The following KCNH7 variants were observed in gnomAD, a reference collection of about 807,000 sequenced individuals.
KCNH7 encodes the protein voltage-gated inwardly rectifying potassium channel KCNH7.
Under a neutral mutation model 120.8 loss-of-function variants are expected in KCNH7, and 49 were observed. That is an observed-to-expected ratio of 0.41 (90% confidence interval 0.32 to 0.51). The LOEUF (loss-of-function observed/expected upper bound fraction) is 0.51. Among genes scored for constraint, KCNH7 ranks in the 20% least tolerant of loss-of-function variants. The probability of loss-of-function intolerance (pLI) is 0.38; values close to 1 mark genes in which losing one functional copy is unlikely to be tolerated. For synonymous variants in KCNH7, 547 were observed against 516.1 expected, an observed-to-expected ratio of 1.06 and a Z score of -0.81; for missense variants, 1,097 against 1,446.6, an observed-to-expected ratio of 0.76 and a Z score of 3.92.
chr2:162,659,315 A>G (rs910864654), intron 2 of KCNH7, among the ~76,000 whole-genome samples: 1 of 150,634 alleles, frequency 6.6e-6, no homozygotes, highest in Non-Finnish European at 1.5e-5. Flanking sequence ...ATACTGGAAT[A>G]TAGTCTACTT....
intron 13 of KCNH7, 115 bp downstream of exon 13, chr2:162,384,573 A>G: frequency 1.9e-6 from 2 of 1,042,388 alleles, no homozygotes; most frequent in Non-Finnish European, 1.4e-6. Flanking sequence ...CGAACATTTC[A>G]TGAAGTTGAG....
intron 2 of KCNH7, among the ~76,000 whole-genome samples, chr2:162,671,683 T>A: frequency 6.6e-6 from 1 of 151,814 alleles, no homozygotes; most frequent in African/African-American, 2.4e-5. Context: ...CTATGTAACA[T>A]AACTGCATGA....
At chr2:162,573,801 T>C (rs537216162) in intron 2 of KCNH7, among the ~76,000 whole-genome samples, 2 of 152,138 alleles carry the variant, frequency 1.3e-5, no homozygotes, top group East Asian at 3.9e-4. Context: ...TTATTATACA[T>C]TCAACTGGCA....
chr2:162,455,015 C>T (rs904277605), intron 6 of KCNH7, among the ~76,000 whole-genome samples: 3 of 152,046 alleles, frequency 2.0e-5, no homozygotes, highest in Non-Finnish European at 4.4e-5. Flanking sequence ...TGTCTTGTGT[C>T]AGTTTCCAAA....
chr2:162,809,481 C>A (rs1210878007), intron 2 of KCNH7, among the ~76,000 whole-genome samples: 1 of 152,098 alleles, frequency 6.6e-6, no homozygotes, highest in East Asian at 1.9e-4. Flanking sequence ...TGATATGTAA[C>A]CTAACCTCAC....
chr2:162,638,707 C>A (rs1448158582), intron 2 of KCNH7, among the ~76,000 whole-genome samples: 1 of 152,078 alleles, frequency 6.6e-6, no homozygotes, highest in African/African-American at 2.4e-5. Flanking sequence ...CAAACATTTA[C>A]TCTCTGGCTG....
chr2:162,405,696 T>A (rs148532949), intron 9 of KCNH7, among the ~76,000 whole-genome samples: 2,554 of 152,108 alleles, frequency 0.017, 199 homozygotes, highest in Admixed American at 0.15. Flanking sequence ...ACTTCTGATT[T>A]GATGTATGTG....
chr2:162,615,325 G>C (rs1683107548), intron 2 of KCNH7, among the ~76,000 whole-genome samples: 1 of 152,122 alleles, frequency 6.6e-6, no homozygotes, highest in South Asian at 2.1e-4. Context: ...TGCTTATTTA[G>C]CACTTCAAAC....
rs1445320060 is a variant in KCNH7 at position 162,396,103 on chromosome 2, A to G, written c.2613+637T>C. Among the ~76,000 whole-genome samples the G allele has an allele frequency of 2.0e-5, 3 of 151,858 alleles. No individual in the cohort carries two copies. The East Asian group carries it at 5.8e-4, about 30-fold the overall frequency. On this transcript the variant is annotated intron_variant, in intron 11 of 15. Transcript: ENST00000332142. ...TAATAGCTCATAAGGGCACATTTTC[A>G]CAGTAGAAAAGAGTAAGGAACATAA...
chr2:162,673,324 C>T (rs184396689), intron 2 of KCNH7, among the ~76,000 whole-genome samples: 82 of 152,078 alleles, frequency 5.4e-4, no homozygotes, highest in African/African-American at 2.0e-3. Context: ...TCATATCTAG[C>T]AATGTATGAA....
chr2:162,431,918 G>C (rs897631594), intron 8 of KCNH7, among the ~76,000 whole-genome samples: 3 of 151,872 alleles, frequency 2.0e-5, no homozygotes, highest in Non-Finnish European at 4.4e-5. Context: ...GTAAAGAACT[G>C]AGCTATCTTC....
chr2:162,535,019 C>T (rs777143717), intron 3 of KCNH7, among the ~76,000 whole-genome samples: 34 of 151,576 alleles, frequency 2.2e-4, no homozygotes, highest in Middle Eastern at 6.8e-3. Context: ...TCCACAGAGG[C>T]TAAAAAAGGC....
intron 2 of KCNH7, among the ~76,000 whole-genome samples, chr2:162,574,576 TG>T (rs1323360727): frequency 6.6e-6 from 1 of 152,100 alleles, no homozygotes; most frequent in Admixed American, 6.6e-5. Context: ...CAAGAGTTTT[TG>T]GGTTTTCATG....
chr2:162,621,555 C>T lies in KCNH7; in HGVS notation c.308-84475G>A, dbSNP rs997091839. 2.6e-5 allele frequency among the ~76,000 whole-genome samples: 4 copies of T among 152,058 alleles called. No individual in the cohort carries two copies. The East Asian group carries it at 7.7e-4, about 29-fold the overall frequency. On this transcript the variant is annotated intron_variant, in intron 2 of 15. Transcript: ENST00000332142. Reference sequence around the variant, plus strand: ...TTTCTTGACAATTGATTATGTACCACTTGCTGAGTGGGTGAATAAAACCAC... The same window carrying T: ...TTTCTTGACAATTGATTATGTACCATTTGCTGAGTGGGTGAATAAAACCAC...
intron 2 of KCNH7, among the ~76,000 whole-genome samples, chr2:162,753,017 A>G (rs570576168): frequency 4.8e-5 from 7 of 146,088 alleles, no homozygotes; most frequent in Admixed American, 2.1e-4. Context: ...AGAAAAGAAA[A>G]GAAAAGAAAA....
chr2:162,724,796 T>A (rs1202581540), intron 2 of KCNH7, among the ~76,000 whole-genome samples: 1 of 152,182 alleles, frequency 6.6e-6, no homozygotes, highest in Non-Finnish European at 1.5e-5. Context: ...TGACTACGGA[T>A]AACTGAAACC....
At chr2:162,586,381 GAAA>G (rs1694021794) in intron 2 of KCNH7, among the ~76,000 whole-genome samples, 1 of 152,028 alleles carries the variant, frequency 6.6e-6, no homozygotes, top group South Asian at 2.1e-4. Context: ...CACGTGGGGA[GAAA>G]GGCCCAGGCT....
chr2:162,614,179 T>C (rs1174701694), intron 2 of KCNH7, among the ~76,000 whole-genome samples: 2 of 152,044 alleles, frequency 1.3e-5, no homozygotes, highest in Admixed American at 6.6e-5. Flanking sequence ...TAAAAACCTT[T>C]TAAAGTGCCT....
intron 8 of KCNH7, among the ~76,000 whole-genome samples, chr2:162,425,995 C>A (rs1490262279): frequency 4.6e-5 from 7 of 152,020 alleles, no homozygotes; most frequent in African/African-American, 1.7e-4. Flanking sequence ...AGGTGGATCA[C>A]CTGAGCTCAG....
Sources: allele counts gnomAD v4.1 joint callset (sites outside exome capture counted in the v4.1 genomes callset), GRCh38; gene constraint gnomAD v4.1.1; transcripts MANE v1.5; gene names NCBI Gene and HGNC (gene_info 2026-07-23, HGNC 2026-07-21).